The following DLC1 variants were observed in gnomAD, a reference collection of about 807,000 sequenced individuals.
The protein encoded by DLC1 is DLC1 Rho GTPase activating protein, also known as rho GTPase-activating protein 7.
Under a neutral mutation model 140.3 loss-of-function variants are expected in DLC1, and 54 were observed. The observed-to-expected ratio is 0.38, with a 90% CI of 0.31 to 0.48. The LOEUF (loss-of-function observed/expected upper bound fraction) is 0.48, where lower values mean the gene tolerates loss of function less well. DLC1 is among the 20% of genes least tolerant of loss of function. DLC1 has a pLI of 0.96. For synonymous variants in DLC1, 986 were observed against 728.1 expected (o/e 1.35, Z -5.70); for missense variants, 2,536 against 1,907.0 (o/e 1.33, Z -6.14).
chr8:13,383,681 C>G (rs1836375294), intron 4 of DLC1, among the ~76,000 whole-genome samples: 1 of 152,174 alleles, frequency 6.6e-6, no homozygotes, highest in South Asian at 2.1e-4. Flanking sequence ...GAAGATAAGA[C>G]AGTTTGACTT....
At chr8:13,551,456 C>T (rs1803848593) in intron 1 of DLC1, among the ~76,000 whole-genome samples, 1 of 151,912 alleles carries the variant, frequency 6.6e-6, no homozygotes, top group Non-Finnish European at 1.5e-5. Context: ...ATGGGTTGAT[C>T]ATGGGTGAAG....
At chr8:13,540,088 G>A (rs1803433633) in intron 1 of DLC1, among the ~76,000 whole-genome samples, 1 of 152,168 alleles carries the variant, frequency 6.6e-6, no homozygotes, top group Non-Finnish European at 1.5e-5. Context: ...TGAATTTCAA[G>A]TAATCACATA....
intron 5 of DLC1, among the ~76,000 whole-genome samples, chr8:13,275,159 A>G (rs559101927): frequency 2.4e-4 from 36 of 152,330 alleles, no homozygotes; most frequent in African/African-American, 7.9e-4. Flanking sequence ...CAACAGACAG[A>G]AAGATTTTCA....
intron 5 of DLC1, among the ~76,000 whole-genome samples, chr8:13,135,446 GCT>G (rs1455866515): frequency 6.6e-6 from 1 of 152,100 alleles, no homozygotes; most frequent in Non-Finnish European, 1.5e-5. Context: ...CTCCCAAAGT[GCT>G]GGGATAACAG....
rs149746074 is a variant in DLC1, at chr8:13,126,882, T to C, written c.1349-11225A>G. 9.1e-3 allele frequency among the ~76,000 whole-genome samples: 1,381 copies of C among 152,356 alleles called. 15 individuals are homozygous for C. The highest frequency in any genetic ancestry group is 0.03 in the African/African-American group (1,235 of 41,584). ...AACCTTAAATTAGAAATAAAGGTGA[T>C]AGCAGGAACGTCTATTAAAAAAACT... On this transcript the variant is annotated intron_variant, in intron 5 of 17. Coordinates refer to ENST00000276297, the MANE Select transcript of DLC1 (RefSeq NM_182643.3).
chr8:13,317,593 C>A (rs528199427), intron 4 of DLC1, among the ~76,000 whole-genome samples: 1 of 152,020 alleles, frequency 6.6e-6, no homozygotes, highest in South Asian at 2.1e-4. Context: ...ACCAATATCA[C>A]TGAGGCATAA....
At chr8:13,581,283 C>T (rs566526659) in intron 1 of DLC1, among the ~76,000 whole-genome samples, 1 of 152,172 alleles carries the variant, frequency 6.6e-6, no homozygotes, top group African/African-American at 2.4e-5. Context: ...CATACATATA[C>T]AAATGACATC....
chr8:13,131,347 A>C (rs560164997), intron 5 of DLC1, among the ~76,000 whole-genome samples: 1 of 149,808 alleles, frequency 6.7e-6, no homozygotes, highest in African/African-American at 2.5e-5. Flanking sequence ...ATTTTGGAGG[A>C]AAAAAAAAAT....
intron 2 of DLC1, among the ~76,000 whole-genome samples, chr8:13,472,740 G>A (rs1185295912): frequency 3.3e-5 from 5 of 152,288 alleles, no homozygotes; most frequent in African/African-American, 1.2e-4. Flanking sequence ...CCATTCAGAA[G>A]AAATGCAGGA....
At chr8:13,538,617 T>C (rs1803379879) in intron 1 of DLC1, among the ~76,000 whole-genome samples, 1 of 152,170 alleles carries the variant, frequency 6.6e-6, no homozygotes, top group South Asian at 2.1e-4. Context: ...TCAGTGGGTG[T>C]GGCTTCATTT....
At chr8:13,113,075 A>G (rs1270164217) in intron 6 of DLC1, among the ~76,000 whole-genome samples, 1 of 152,224 alleles carries the variant, frequency 6.6e-6, no homozygotes, top group African/African-American at 2.4e-5. Flanking sequence ...AATTTTTAAA[A>G]AATCTGGTAG....
intron 3 of DLC1, among the ~76,000 whole-genome samples, chr8:13,399,793 T>A (rs1837215594): frequency 6.6e-6 from 1 of 152,228 alleles, no homozygotes; most frequent in Non-Finnish European, 1.5e-5. Context: ...TCTTGATAAT[T>A]TTTATTATAT....
At chr8:13,465,232 A>G (rs996955141) in intron 2 of DLC1, among the ~76,000 whole-genome samples, 34 of 152,350 alleles carry the variant, frequency 2.2e-4, no homozygotes, top group African/African-American at 8.2e-4. Flanking sequence ...TTCCTGGAGA[A>G]CAAAATCGAG....
At chr8:13,488,518 CA>C (rs2117151213) in intron 2 of DLC1, among the ~76,000 whole-genome samples, 1 of 152,166 alleles carries the variant, frequency 6.6e-6, no homozygotes. Context: ...GAAAACAGAA[CA>C]GTTAAAATGC....
chr8:13,098,603 GT>G, intron 9 of DLC1, 28 bp from the exon 10 acceptor site: 1 of 1,586,530 alleles, frequency 6.3e-7, no homozygotes, highest in Non-Finnish European at 8.5e-7. Context: ...AGGAAAATGA[GT>G]GTGAAGCCTT....
chr8:13,500,335 T>A (rs1801755229), intron 1 of DLC1, 139 bp from the exon 2 acceptor site: 1 of 337,598 alleles, frequency 3.0e-6, no homozygotes, highest in African/African-American at 2.1e-5. Flanking sequence ...TTTAATAATG[T>A]CATTTCTTTA....
chr8:13,453,468 A>G (rs1466176527), intron 2 of DLC1, among the ~76,000 whole-genome samples: 1 of 28,034 alleles, frequency 3.6e-5, no homozygotes, highest in Non-Finnish European at 5.9e-5. Context: ...ATGTATATAT[A>G]TACATATATA....
intron 2 of DLC1, among the ~76,000 whole-genome samples, chr8:13,476,069 C>G (rs1335370876): frequency 1.3e-5 from 2 of 152,148 alleles, no homozygotes; most frequent in African/African-American, 4.8e-5. Context: ...CAGAAAGAAA[C>G]TGCAGGGGTT....
chr8:13,598,826 A>G (rs553863438), intron 1 of DLC1, among the ~76,000 whole-genome samples: 91 of 152,166 alleles, frequency 6.0e-4, no homozygotes, highest in Middle Eastern at 6.8e-3. Flanking sequence ...CATTCCATGA[A>G]TGAACTAAAA....
Sources: gnomAD v4.1 joint callset for allele counts (sites outside exome capture counted in the v4.1 genomes callset) on GRCh38, gnomAD v4.1.1 for gene constraint, MANE v1.5 for transcripts, NCBI Gene and HGNC (gene_info 2026-07-23, HGNC 2026-07-21) for gene names.